DNM3: variants seen among roughly 807,000 people sequenced by gnomAD.
The protein encoded by DNM3 is dynamin-3.
In DNM3, 47 loss-of-function variants were observed where a neutral mutation model predicts 101.6. The ratio of observed to expected loss-of-function variants is 0.46; its 90% CI spans 0.37 to 0.59. The LOEUF is 0.59. Ranked by LOEUF, DNM3 falls within the 20% of genes least tolerant of loss-of-function variation. The pLI, the probability that DNM3 is intolerant of heterozygous loss-of-function variation, is 0.00. For missense variants in DNM3, 849 were observed against 1,085.7 expected, an observed-to-expected ratio of 0.78 and a Z score of 3.06; for synonymous variants, 385 against 387.9, an observed-to-expected ratio of 0.99 and a Z score of 0.09.
chr1:172,373,699 T>G (rs544693877), intron 17 of DNM3, among the ~76,000 whole-genome samples: 1 of 152,198 alleles, frequency 6.6e-6, no homozygotes, highest in Non-Finnish European at 1.5e-5. Context: ...GTTTTGTTTT[T>G]TTGTACTTTA....
chr1:172,229,143 C>G (rs1333847197), intron 14 of DNM3, among the ~76,000 whole-genome samples: 1 of 152,136 alleles, frequency 6.6e-6, no homozygotes, highest in East Asian at 1.9e-4. Flanking sequence ...AGAAACACAT[C>G]TGGGAAATCA....
At chr1:172,279,738 G>T (rs1383866585) in intron 15 of DNM3, among the ~76,000 whole-genome samples, 2 of 151,914 alleles carry the variant, frequency 1.3e-5, no homozygotes, top group East Asian at 3.9e-4. Flanking sequence ...ACATATGATG[G>T]CTCTGCCTTG....
In DNM3 at chr1:171,859,203, C is replaced by A. The variant is rs79122281; in HGVS notation, c.161+17386C>A. Among the ~76,000 whole-genome samples the A allele has an allele frequency of 5.6e-3, 854 of 152,190 alleles. 10 individuals are homozygous for A. The highest frequency in any genetic ancestry group is 0.019 in the African/African-American group (784 of 41,530). On this transcript the variant is annotated intron_variant, in intron 1 of 20. Coordinates refer to ENST00000627582, the MANE Select transcript of DNM3 (RefSeq NM_015569.5). ...GACACCCACCACGCTGTTTCATTGCCTTTGTTCACGTTGTTATTGTTCTTC... is the reference window on the plus strand; with the variant it reads ...GACACCCACCACGCTGTTTCATTGCATTTGTTCACGTTGTTATTGTTCTTC...
At chr1:172,166,738 T>C (rs2058758600) in intron 14 of DNM3, among the ~76,000 whole-genome samples, 1 of 151,680 alleles carries the variant, frequency 6.6e-6, no homozygotes, top group African/African-American at 2.4e-5. Context: ...TTAATCTCAT[T>C]TTTTTATCAA....
Position 171,841,794 on chromosome 1 carries a change from G to C in DNM3, c.138G>C (p.Ser46=), listed in dbSNP as rs943246549. The C allele has an allele frequency of 6.2e-7, 1 of 1,609,526 alleles. No homozygotes were observed. The highest frequency in any genetic ancestry group is 1.7e-5 in the Admixed American group (1 of 59,818). Residue 46 remains serine, a synonymous_variant, in exon 1 of 21, where the codon TCG becomes TCC. Coordinates refer to ENST00000627582, the MANE Select transcript of DNM3 (RefSeq NM_015569.5). Reference sequence around the variant, plus strand: ...GCGGCCAGAGCGCCGGCAAGAGCTCGGTGCTCGAGAACTTCGTGGGCAGGT... The same window carrying C: ...GCGGCCAGAGCGCCGGCAAGAGCTCCGTGCTCGAGAACTTCGTGGGCAGGT... The part of the protein sequence containing the change: ...VVGGQSAGKS[S]VLENFVGRDF...
chr1:172,219,732 C>T (rs1321524769), intron 14 of DNM3, among the ~76,000 whole-genome samples: 1 of 152,108 alleles, frequency 6.6e-6, no homozygotes, highest in Non-Finnish European at 1.5e-5. Context: ...CTCTTCCATG[C>T]CCTCCTTGTA....
At chr1:172,087,516 C>G (rs2053613624) in intron 12 of DNM3, among the ~76,000 whole-genome samples, 1 of 152,052 alleles carries the variant, frequency 6.6e-6, no homozygotes, top group Admixed American at 6.6e-5. Flanking sequence ...CCAAACTAAA[C>G]TCCTCATCTG....
chr1:172,361,755 A>G (rs1016822740), intron 17 of DNM3, among the ~76,000 whole-genome samples: 9 of 151,948 alleles, frequency 5.9e-5, no homozygotes, highest in Admixed American at 2.0e-4. Context: ...ATCATTCTGC[A>G]ATAGCCACCT....
chr1:171,849,925 T>G (rs994925501), intron 1 of DNM3, among the ~76,000 whole-genome samples: 5 of 152,240 alleles, frequency 3.3e-5, no homozygotes, highest in Admixed American at 1.3e-4. Flanking sequence ...AATGAATTTT[T>G]CTGACATTAT....
intron 12 of DNM3, among the ~76,000 whole-genome samples, chr1:172,086,665 GGACCTTCACTGTGGGTCC>G (rs2053552605): frequency 6.6e-6 from 1 of 152,124 alleles, no homozygotes; most frequent in South Asian, 2.1e-4. Context: ...GATGGCTCTG[GGACCTTCACTGTGGGTCC>G]TACTTTATTG....
intron 16 of DNM3, among the ~76,000 whole-genome samples, chr1:172,317,655 T>C (rs2065455222): frequency 2.0e-5 from 3 of 152,198 alleles, no homozygotes; most frequent in African/African-American, 4.8e-5. Flanking sequence ...TGGATAAATT[T>C]CTCGACACAT....
intron 4 of DNM3, among the ~76,000 whole-genome samples, chr1:172,006,413 G>C (rs1193333582): frequency 6.6e-6 from 1 of 151,924 alleles, no homozygotes; most frequent in Non-Finnish European, 1.5e-5. Flanking sequence ...TAAAAACTTG[G>C]GGTGATGAAA....
chr1:171,909,964 G>T (rs145612877), intron 1 of DNM3, among the ~76,000 whole-genome samples: 7 of 152,154 alleles, frequency 4.6e-5, no homozygotes, highest in African/African-American at 1.7e-4. Flanking sequence ...ATGCCAGGGG[G>T]TTCATTTTAT....
chr1:172,232,363 T>C (rs1426030230), intron 14 of DNM3, among the ~76,000 whole-genome samples: 2 of 152,086 alleles, frequency 1.3e-5, no homozygotes, highest in Non-Finnish European at 2.9e-5. Context: ...GTGCACCCAA[T>C]ACAGGAGCAC....
intron 1 of DNM3, among the ~76,000 whole-genome samples, chr1:171,885,071 C>T (rs557976634): frequency 5.9e-5 from 9 of 152,122 alleles, no homozygotes; most frequent in East Asian, 3.9e-4. Flanking sequence ...TTATCTAGTC[C>T]GTTTAGCATC....
At chr1:172,211,955 G>A (rs1462371304) in intron 14 of DNM3, among the ~76,000 whole-genome samples, 1 of 152,056 alleles carries the variant, frequency 6.6e-6, no homozygotes, top group Non-Finnish European at 1.5e-5. Context: ...AGGGTTTGTT[G>A]TAATGCTTTT....
intron 15 of DNM3, among the ~76,000 whole-genome samples, chr1:172,261,655 T>G (rs2062657265): frequency 6.6e-6 from 1 of 152,192 alleles, no homozygotes; most frequent in South Asian, 2.1e-4. Context: ...GCATGGGCAA[T>G]GGCAGTAGCA....
At chr1:172,418,201 T>C (rs758544250) in intron 20 of DNM3, 3 of 1,156,684 alleles carry the variant, frequency 2.6e-6, no homozygotes, top group Non-Finnish European at 3.4e-6. Context: ...GTTTATTTTA[T>C]AATTTAAACA....
intron 12 of DNM3, among the ~76,000 whole-genome samples, chr1:172,084,367 G>A (rs1255423214): frequency 2.0e-5 from 3 of 152,026 alleles, no homozygotes; most frequent in Admixed American, 6.6e-5. Context: ...ATTACTAGAT[G>A]TACCATTTTA....
Sources: gnomAD v4.1 joint callset for allele counts (sites outside exome capture counted in the v4.1 genomes callset) on GRCh38, gnomAD v4.1.1 for gene constraint, MANE v1.5 for transcripts, NCBI Gene and HGNC (gene_info 2026-07-23, HGNC 2026-07-21) for gene names.